The following STK3 variants were observed in gnomAD, a reference collection of about 807,000 sequenced individuals.
The protein encoded by STK3 is serine/threonine kinase 3.
In STK3, 41 loss-of-function variants were observed where a neutral mutation model predicts 58.0. That is an observed-to-expected ratio of 0.71 (90% CI 0.55 to 0.92). STK3 has a LOEUF of 0.92. Ranked by LOEUF, STK3 falls within the 40% of genes least tolerant of loss-of-function variation. The pLI, the probability that STK3 is intolerant of heterozygous loss-of-function variation, is 0.00. For missense variants in STK3, 479 were observed against 602.7 expected, an observed-to-expected ratio of 0.79 and a Z score of 2.15; for synonymous variants, 170 against 191.0, an observed-to-expected ratio of 0.89 and a Z score of 0.91.
chr8:98,624,558 AG>A (rs1052577808), intron 6 of STK3, among the ~76,000 whole-genome samples: 1 of 152,192 alleles, frequency 6.6e-6, no homozygotes, highest in African/African-American at 2.4e-5. Flanking sequence ...AGGAATTAAA[AG>A]AAAGTGGTTC....
At chr8:98,549,459 T>C (rs1166522544) in intron 8 of STK3, among the ~76,000 whole-genome samples, 1 of 152,188 alleles carries the variant, frequency 6.6e-6, no homozygotes, top group African/African-American at 2.4e-5. Context: ...GGTTTTTCTG[T>C]TGTTATTACA....
intron 4 of STK3, among the ~76,000 whole-genome samples, chr8:98,736,707 G>A (rs1342128942): frequency 1.3e-5 from 2 of 151,996 alleles, no homozygotes; most frequent in Admixed American, 1.3e-4. Flanking sequence ...AAATAAATAT[G>A]TTACTTAGGT....
At chr8:98,387,906 G>A (rs1817809491) in intron 1 of STK3, among the ~76,000 whole-genome samples, 1 of 148,252 alleles carries the variant, frequency 6.7e-6, no homozygotes, top group Admixed American at 6.8e-5. Flanking sequence ...TACGGAGCAG[G>A]AATATTCAAG....
At chr8:98,704,473 A>G (rs1177896604) in intron 6 of STK3, among the ~76,000 whole-genome samples, 1 of 152,188 alleles carries the variant, frequency 6.6e-6, no homozygotes, top group African/African-American at 2.4e-5. Context: ...TATGAGGAAA[A>G]AGAGAAATTT....
chr8:98,651,692 A>C (rs1820947731), intron 6 of STK3: 2 of 152,262 alleles, frequency 1.3e-5, no homozygotes, highest in African/African-American at 4.8e-5. Context: ...TACGTGAAGA[A>C]TGCAGAAGCC....
At chr8:98,377,079 A>G (rs565307453) in intron 2 of STK3, among the ~76,000 whole-genome samples, 1 of 152,142 alleles carries the variant, frequency 6.6e-6, no homozygotes, top group African/African-American at 2.4e-5. Context: ...TCTTCCAGAT[A>G]TCTGCTAATG....
chr8:98,353,554 G>C, the STK3 span, among the ~76,000 whole-genome samples: 1 of 152,086 alleles, frequency 6.6e-6, no homozygotes. Flanking sequence ...TTAGACTTGG[G>C]TCTTATTCCC....
intron 3 of STK3, among the ~76,000 whole-genome samples, chr8:98,877,945 T>C (rs996246005): frequency 7.9e-5 from 12 of 152,180 alleles, no homozygotes; most frequent in African/African-American, 2.9e-4. Context: ...GGTCTAATTT[T>C]ACAAACAAAG....
At chr8:98,535,748 T>C (rs1056801786) in intron 9 of STK3, among the ~76,000 whole-genome samples, 3 of 152,136 alleles carry the variant, frequency 2.0e-5, no homozygotes, top group African/African-American at 7.2e-5. Flanking sequence ...ATATTAAGAG[T>C]AGCAGCATAC....
the STK3 span, among the ~76,000 whole-genome samples, chr8:98,355,593 C>A: frequency 6.6e-6 from 1 of 152,196 alleles, no homozygotes; most frequent in Admixed American, 6.5e-5. Flanking sequence ...GGCAGACACC[C>A]CAAGAGGGCA....
At chr8:98,481,985 C>T (rs1385627883) in intron 10 of STK3, among the ~76,000 whole-genome samples, 1 of 152,136 alleles carries the variant, frequency 6.6e-6, no homozygotes, top group Non-Finnish European at 1.5e-5. Flanking sequence ...TTCTCACACT[C>T]CCCTTGAGCT....
chr8:98,767,173 A>C (rs561098503), intron 3 of STK3, 70 bp downstream of exon 3: 3 of 1,438,928 alleles, frequency 2.1e-6, no homozygotes, highest in South Asian at 2.9e-5. Flanking sequence ...TCAAAGAATA[A>C]ATTTTGTTAT....
intron 2 of STK3, among the ~76,000 whole-genome samples, chr8:98,376,744 T>C (rs1401103535): frequency 6.6e-6 from 1 of 152,074 alleles, no homozygotes; most frequent in African/African-American, 2.4e-5. Context: ...AACTTAAGAG[T>C]GAAATATCTC....
chr8:98,495,333 T>A (rs1823042457), intron 10 of STK3, among the ~76,000 whole-genome samples: 1 of 152,222 alleles, frequency 6.6e-6, no homozygotes. Flanking sequence ...GATGAGCACC[T>A]TAAGTGGGAT....
chr8:98,782,405 C>T (rs890846354), intron 1 of STK3: 2 of 248,116 alleles, frequency 8.1e-6, no homozygotes, highest in Non-Finnish European at 1.6e-5. Flanking sequence ...TGTATCACAG[C>T]CTGTACCTGA....
chr8:98,823,464 A>G (rs916076077), intron 1 of STK3, among the ~76,000 whole-genome samples: 2 of 152,242 alleles, frequency 1.3e-5, no homozygotes, highest in Admixed American at 6.5e-5. Context: ...ACTGTATACA[A>G]CAAGAGGGTG....
chr8:98,630,927 T>TA (rs397712940), intron 6 of STK3, among the ~76,000 whole-genome samples: 6 of 152,050 alleles, frequency 3.9e-5, no homozygotes, highest in African/African-American at 9.7e-5. Flanking sequence ...TCTTTTTTTT[T>TA]ATTAAAACAC....
downstream of STK3, among the ~76,000 whole-genome samples, chr8:98,398,587 T>C (rs1817915323): frequency 6.6e-6 from 1 of 152,162 alleles, no homozygotes; most frequent in Admixed American, 6.5e-5. Context: ...CCGCTCTTAG[T>C]CCTAGGGGAC....
At chr8:98,480,691 C>CA (rs1421349637) in intron 10 of STK3, among the ~76,000 whole-genome samples, 2 of 152,168 alleles carry the variant, frequency 1.3e-5, no homozygotes, top group African/African-American at 2.4e-5. Context: ...ACAATTACTA[C>CA]AGAGGCTACT....
Sources: gnomAD v4.1 joint callset for allele counts (sites outside exome capture counted in the v4.1 genomes callset) on GRCh38, gnomAD v4.1.1 for gene constraint, MANE v1.5 for transcripts, NCBI Gene and HGNC (gene_info 2026-07-23, HGNC 2026-07-21) for gene names.